UCHL1: variants seen among roughly 807,000 people sequenced by gnomAD.
UCHL1 encodes the protein ubiquitin carboxyl-terminal hydrolase isozyme L1.
In UCHL1, 5 loss-of-function variants were observed where a neutral mutation model predicts 33.3. That is an observed-to-expected ratio of 0.15 (90% CI 0.08 to 0.32). UCHL1 has a LOEUF of 0.32. Ranked by LOEUF, UCHL1 falls within the 10% of genes least tolerant of loss-of-function variation. UCHL1 has a pLI of 1.00. For synonymous variants in UCHL1, 132 were observed against 108.8 expected, an observed-to-expected ratio of 1.21 and a Z score of -1.33; for missense variants, 236 against 280.0, an observed-to-expected ratio of 0.84 and a Z score of 1.12.
intron 4 of UCHL1, 135 bp downstream of exon 4, chr4:41,260,932 C>T: frequency 7.7e-7 from 1 of 1,302,866 alleles, no homozygotes; most frequent in African/African-American, 1.4e-5. Context: ...GACACTTAAT[C>T]TGACTCACAG....
At chr4:41,258,268 T>C (rs1781016291) in intron 3 of UCHL1, among the ~76,000 whole-genome samples, 2 of 152,224 alleles carry the variant, frequency 1.3e-5, no homozygotes, top group Non-Finnish European at 2.9e-5. Context: ...CTCCCACCAC[T>C]TGCACACTTG....
At chr4:41,265,637 A>AAT (rs1344044115) in intron 8 of UCHL1, among the ~76,000 whole-genome samples, 3 of 152,192 alleles carry the variant, frequency 2.0e-5, no homozygotes, top group South Asian at 2.1e-4. Context: ...GCCATTGTAC[A>AAT]ATACCAATAT....
intron 7 of UCHL1, among the ~76,000 whole-genome samples, chr4:41,263,771 C>T (rs1013016116): frequency 1.3e-5 from 2 of 152,180 alleles, no homozygotes; most frequent in African/African-American, 2.4e-5. Flanking sequence ...AAATCTCAGG[C>T]GTCTCCTCCT....
At chr4:41,264,030 C>G (rs878914961) in intron 7 of UCHL1, 73 bp from the exon 8 acceptor site, 1 of 1,594,356 alleles carries the variant, frequency 6.3e-7, no homozygotes, top group Non-Finnish European at 8.6e-7. Context: ...CTAAAACTTC[C>G]ATCTAGGCTA....
chr4:41,264,249 T>G lies in UCHL1; in HGVS notation c.585+88T>G. On this transcript the variant is annotated intron_variant, in intron 8 of 8. Coordinates refer to ENST00000284440, the MANE Select transcript of UCHL1 (RefSeq NM_004181.5). ...CTAAAGTGCTAACACTCTTCCAGTA[T>G]AGCCAGCATCAGTTGCCTGGGTTAA... 3 of 1,543,956 alleles carry G rather than the reference T, an allele frequency of 1.9e-6. 1 individual carries two copies. Among genetic ancestry groups the G allele is most frequent in the Middle Eastern group, 3.4e-4 (2 of 5,916 alleles).
chr4:41,261,161 T>C (rs1237194453), intron 4 of UCHL1, among the ~76,000 whole-genome samples: 3 of 152,218 alleles, frequency 2.0e-5, no homozygotes, highest in Non-Finnish European at 1.5e-5. Flanking sequence ...CTATTTTGTT[T>C]CTTTACATTT....
rs74684284 is a variant in UCHL1, at chr4:41,265,843, C to G, written c.585+1682C>G. On this transcript the variant is annotated intron_variant, in intron 8 of 8. Coordinates refer to ENST00000284440, the MANE Select transcript of UCHL1 (RefSeq NM_004181.5). ...ATAGTAATATGGAATGAAGAATAGA[C>G]CTGGAGAGCCAGGATGGGATGGAAG... Among the ~76,000 whole-genome samples, 563 of 152,246 alleles carry G rather than the reference C, an allele frequency of 3.7e-3. 2 individuals carry two copies. Among genetic ancestry groups the G allele is most frequent in the Non-Finnish European group, 6.2e-3 (422 of 68,014 alleles).
chr4:41,265,636 C>A (rs188006087), intron 8 of UCHL1, among the ~76,000 whole-genome samples: 2 of 152,142 alleles, frequency 1.3e-5, no homozygotes, highest in Admixed American at 6.5e-5. Flanking sequence ...AGCCATTGTA[C>A]AATACCAATA....
In UCHL1 at chr4:41,264,135, G is replaced by C; in HGVS notation, c.559G>C (p.Ala187Pro). The C allele has an allele frequency of 6.2e-7, 1 of 1,614,166 alleles. No individual in the cohort carries two copies. ...GRMPFPVNHG[A>P]SSEDTLLKDA... ...AATGCCTTTTCCGGTGAACCATGGC[G>C]CCAGTTCAGAGGACACCCTGCTGAA... The change falls in exon 8 of 9, where the codon GCC becomes CCC. Residue 187 changes from alanine to proline, a missense_variant. Ala to Pro is a conservative substitution (Grantham distance 27). Transcript: ENST00000284440.
At chr4:41,264,895 G>T (rs1781127630) in intron 8 of UCHL1, among the ~76,000 whole-genome samples, 1 of 152,216 alleles carries the variant, frequency 6.6e-6, no homozygotes, top group South Asian at 2.1e-4. Flanking sequence ...CTTAATTTGA[G>T]TAGTAATAGT....
rs933322212 is a variant in UCHL1 at position 41,263,150 on chromosome 4, A to C, written c.460-75A>C. On this transcript the variant is annotated intron_variant, in intron 6 of 8. Transcript: ENST00000284440. ...CTAAAAATCAAGTCAGTTCAAGCAC[A>C]TTTCACTTGAATTGCAAGATAATTT... 5.1e-6 allele frequency: 6 copies of C among 1,176,292 alleles called. No homozygotes were observed. In the African/African-American group the frequency reaches 9.0e-5, roughly 18 times the overall value. The allele number at this position is 1,176,292 out of a possible 1,614,324, so 72.9% of individuals were successfully genotyped here.
intron 3 of UCHL1, among the ~76,000 whole-genome samples, chr4:41,257,965 A>T (rs1200368065): frequency 6.6e-6 from 1 of 152,228 alleles, no homozygotes; most frequent in Non-Finnish European, 1.5e-5. Flanking sequence ...AATTTGGAAG[A>T]GAGGCAGTAT....
Position 41,264,041 on chromosome 4 carries a change from G to A in UCHL1, c.527-62G>A, listed in dbSNP as rs1580926980. The A allele has an allele frequency of 3.1e-6, 5 of 1,605,314 alleles. No individual in the cohort carries two copies. The East Asian group carries it at 1.1e-4, about 36-fold the overall frequency. ...GAATCTAAAACTTCCATCTAGGCTA[G>A]GTAAGCACGGTAGCCAGAAAACATG... On this transcript the variant is annotated intron_variant, in intron 7 of 8. Coordinates refer to ENST00000284440, the MANE Select transcript of UCHL1 (RefSeq NM_004181.5).
At position 41,257,771 on chromosome 4, in the gene UCHL1, G is replaced by C. The variant is rs372823328; in HGVS notation, c.174+34G>C. Reference sequence around the variant, plus strand: ...TGGGGCCCAGGATGCGCCGGCCGCCGGCAGTGCACGCCGCTCCCCAGCTTG... The same window carrying C: ...TGGGGCCCAGGATGCGCCGGCCGCCCGCAGTGCACGCCGCTCCCCAGCTTG... On this transcript the variant is annotated intron_variant, in intron 3 of 8. Transcript: ENST00000284440. The C allele has an allele frequency of 4.6e-5, 71 of 1,545,540 alleles. No homozygotes were observed. The Middle Eastern group carries it at 8.8e-4, about 19-fold the overall frequency.
At chr4:41,264,031 A>G in intron 7 of UCHL1, 72 bp from the exon 8 acceptor site, 3 of 1,598,352 alleles carry the variant, frequency 1.9e-6, no homozygotes, top group Non-Finnish European at 2.6e-6. Flanking sequence ...TAAAACTTCC[A>G]TCTAGGCTAG....
chr4:41,260,940 C>A, intron 4 of UCHL1, 143 bp downstream of exon 4: 1 of 1,218,722 alleles, frequency 8.2e-7, no homozygotes, highest in Non-Finnish European at 1.2e-6. Context: ...ATCTGACTCA[C>A]AGTCCTCCTC....
chr4:41,257,281 C>A (rs571756800), intron 2 of UCHL1, 155 bp downstream of exon 2: 2 of 1,255,138 alleles, frequency 1.6e-6, no homozygotes, highest in Non-Finnish European at 2.2e-6. Flanking sequence ...TTCCTGGGCC[C>A]CTGCATTTAG....
At chr4:41,257,423 A>C (rs1780995985) in intron 2 of UCHL1, 186 bp from the exon 3 acceptor site, 4 of 950,532 alleles carry the variant, frequency 4.2e-6, no homozygotes, top group Non-Finnish European at 2.9e-6. Flanking sequence ...CGCGGGCGCC[A>C]CGTGTGGGCC....
chr4:41,262,386 C>G (rs372055090), intron 6 of UCHL1, among the ~76,000 whole-genome samples: 2 of 152,112 alleles, frequency 1.3e-5, no homozygotes, highest in East Asian at 3.9e-4. Context: ...GCAGAGGTTG[C>G]AGTGAGCTGA....
Sources: gnomAD v4.1 joint callset for allele counts (sites outside exome capture counted in the v4.1 genomes callset) on GRCh38, gnomAD v4.1.1 for gene constraint, MANE v1.5 for transcripts, NCBI Gene and HGNC (gene_info 2026-07-23, HGNC 2026-07-21) for gene names.